The following EYS variants were observed in gnomAD, a reference collection of about 807,000 sequenced individuals.
EYS encodes protein eyes shut homolog.
A neutral mutation model predicts 282.1 loss-of-function variants in EYS; 250 were observed. The ratio of observed to expected loss-of-function variants is 0.89; its 90% confidence interval spans 0.80 to 0.98. The LOEUF (loss-of-function observed/expected upper bound fraction) is 0.98. Ranked by LOEUF, EYS falls within the 50% of genes least tolerant of loss-of-function variation. The pLI is 0.00. For missense variants in EYS, 4,016 were observed against 3,709.0 expected, an observed-to-expected ratio of 1.08 and a Z score of -2.15; for synonymous variants, 1,355 against 1,282.9, an observed-to-expected ratio of 1.06 and a Z score of -1.20.
intron 12 of EYS, among the ~76,000 whole-genome samples, chr6:65,061,133 A>G (rs776177812): frequency 6.6e-6 from 1 of 152,004 alleles, no homozygotes; most frequent in Non-Finnish European, 1.5e-5. Flanking sequence ...TTTGGCAACA[A>G]TAGGCCACAT....
intron 31 of EYS, among the ~76,000 whole-genome samples, chr6:64,135,201 CAGT>C (rs1462615592): frequency 6.8e-6 from 1 of 147,300 alleles, no homozygotes; most frequent in Non-Finnish European, 1.5e-5. Context: ...GAATTCTCAA[CAGT>C]AGTGGTGCTT....
intron 26 of EYS, among the ~76,000 whole-genome samples, chr6:64,444,258 C>T (rs113655120): frequency 9.9e-5 from 15 of 152,284 alleles, no homozygotes; most frequent in Admixed American, 3.9e-4. Flanking sequence ...GGTCCCAGGA[C>T]ACTCATTTCC....
At chr6:64,187,528 T>C (rs1582399663) in intron 31 of EYS, among the ~76,000 whole-genome samples, 1 of 152,050 alleles carries the variant, frequency 6.6e-6, no homozygotes, top group South Asian at 2.1e-4. Flanking sequence ...AATTATTAAA[T>C]AAATAAAAAA....
rs1263403462 is a variant in EYS at position 64,686,787 on chromosome 6, A to ATATGTGTGTGTATATATATATG, written c.3444-60543_3444-60542insCATATATATATACACACACATA. The stretch of plus-strand genomic sequence containing the variant: ...TGTGTGTATATATATATATATATAT[A>ATATGTGTGTGTATATATATATG]TGTGTGTATATATATATGTGTGTAT... On this transcript the variant is annotated intron_variant, in intron 22 of 42. Coordinates refer to ENST00000503581, the MANE Select transcript of EYS (RefSeq NM_001142800.2). Among the ~76,000 whole-genome samples the ATATGTGTGTGTATATATATATG allele has an allele frequency of 3.1e-4, 4 of 12,994 alleles. 1 individual carries two copies. The highest frequency in any genetic ancestry group is 4.0e-4 in the Non-Finnish European group (2 of 4,946). The allele number at this position is 12,994 out of a possible 152,430, so 8.5% of individuals were successfully genotyped here. A position where few individuals can be genotyped will look rare whatever the true frequency, so the allele number is the denominator to read the frequency against.
chr6:64,042,425 T>C (rs1241549071), intron 33 of EYS, among the ~76,000 whole-genome samples: 1 of 152,204 alleles, frequency 6.6e-6, no homozygotes, highest in East Asian at 1.9e-4. Context: ...CCAAAAGCAT[T>C]TGACTTTGGG....
chr6:65,618,868 T>G (rs1367422438), intron 2 of EYS, among the ~76,000 whole-genome samples: 1 of 152,182 alleles, frequency 6.6e-6, no homozygotes, highest in Non-Finnish European at 1.5e-5. Context: ...GTTGTAGATA[T>G]GCGGCATTAT....
At chr6:64,326,963 C>T (rs1251979053) in intron 29 of EYS, among the ~76,000 whole-genome samples, 1 of 152,074 alleles carries the variant, frequency 6.6e-6, no homozygotes, top group African/African-American at 2.4e-5. Flanking sequence ...GGGAGAGGCC[C>T]ACTGACTCGG....
At chr6:65,007,432 G>A (rs967961297) in intron 13 of EYS, among the ~76,000 whole-genome samples, 8 of 152,188 alleles carry the variant, frequency 5.3e-5, no homozygotes, top group Non-Finnish European at 1.2e-4. Context: ...TTCAAGGGGG[G>A]AGAAACCTGG....
intron 8 of EYS, among the ~76,000 whole-genome samples, chr6:65,377,358 G>A (rs1765408915): frequency 6.6e-6 from 1 of 152,150 alleles, no homozygotes; most frequent in African/African-American, 2.4e-5. Flanking sequence ...CAGAATCTCT[G>A]GGAGAGAGCT....
intron 26 of EYS, among the ~76,000 whole-genome samples, chr6:64,547,355 C>T (rs902895640): frequency 1.3e-5 from 2 of 152,058 alleles, no homozygotes; most frequent in African/African-American, 2.4e-5. Flanking sequence ...CTGATTGGTC[C>T]GTTTTGACAG....
chr6:65,588,981 C>T (rs1489506335), intron 2 of EYS, among the ~76,000 whole-genome samples: 2 of 151,966 alleles, frequency 1.3e-5, no homozygotes, highest in African/African-American at 4.8e-5. Flanking sequence ...CCAAATGAGG[C>T]TATTATATAA....
chr6:64,324,723 A>T (rs1291717753), intron 29 of EYS, among the ~76,000 whole-genome samples: 1 of 152,078 alleles, frequency 6.6e-6, no homozygotes, highest in African/African-American at 2.4e-5. Context: ...AACCATAAAG[A>T]CTCTGCCAAA....
chr6:65,142,886 T>A (rs750236464), intron 12 of EYS, among the ~76,000 whole-genome samples: 1 of 152,032 alleles, frequency 6.6e-6, no homozygotes, highest in Non-Finnish European at 1.5e-5. Flanking sequence ...GTTCTGAAAC[T>A]GCCCAAAATA....
intron 2 of EYS, among the ~76,000 whole-genome samples, chr6:65,596,555 A>T (rs950079471): frequency 4.6e-5 from 7 of 152,086 alleles, no homozygotes; most frequent in Admixed American, 1.3e-4. Flanking sequence ...AGGAGCAGGC[A>T]CTATGAATTA....
At chr6:65,625,834 T>C (rs530692079) in intron 2 of EYS, among the ~76,000 whole-genome samples, 33 of 152,352 alleles carry the variant, frequency 2.2e-4, no homozygotes, top group African/African-American at 7.2e-4. Context: ...AGGTTCTTAA[T>C]GTAGTCCCTG....
intron 28 of EYS, among the ~76,000 whole-genome samples, chr6:64,410,755 GA>G (rs1252711821): frequency 2.0e-5 from 3 of 152,070 alleles, no homozygotes; most frequent in Non-Finnish European, 2.9e-5. Context: ...TGGCTTGACT[GA>G]AATATTACAT....
chr6:64,222,068 GCCTCATA>G (rs1471175802), intron 31 of EYS, among the ~76,000 whole-genome samples: 2 of 151,996 alleles, frequency 1.3e-5, no homozygotes, highest in Non-Finnish European at 2.9e-5. Context: ...TTTCCATATT[GCCTCATA>G]TCTCTTCATA....
chr6:63,723,749 G>T (rs1768500051), intron 42 of EYS, among the ~76,000 whole-genome samples: 2 of 150,984 alleles, frequency 1.3e-5, no homozygotes, highest in African/African-American at 4.9e-5. Context: ...ATTGCGTTAG[G>T]ATATGATGCT....
At chr6:65,167,817 T>TC (rs1353940044) in intron 12 of EYS, among the ~76,000 whole-genome samples, 2 of 151,320 alleles carry the variant, frequency 1.3e-5, no homozygotes, top group Non-Finnish European at 3.0e-5. Context: ...TTATATATTT[T>TC]CCAACTGTTC....
Sources: allele counts gnomAD v4.1 joint callset (sites outside exome capture counted in the v4.1 genomes callset), GRCh38; gene constraint gnomAD v4.1.1; transcripts MANE v1.5; gene names NCBI Gene and HGNC (gene_info 2026-07-23, HGNC 2026-07-21).